The following ADAM22 variants were observed in gnomAD, a reference collection of about 807,000 sequenced individuals.
ADAM22 encodes the protein disintegrin and metalloproteinase domain-containing protein 22.
In ADAM22, 65 loss-of-function variants were observed where a neutral mutation model predicts 144.6. That is an observed-to-expected ratio of 0.45 (90% CI 0.37 to 0.55). ADAM22 has a LOEUF of 0.55. ADAM22 is among the 20% of genes least tolerant of loss of function. ADAM22 has a pLI of 0.00. For synonymous variants in ADAM22, 391 were observed against 412.6 expected (o/e 0.95, Z 0.63); for missense variants, 974 against 1,184.9 (o/e 0.82, Z 2.61).
At chr7:88,093,606 G>T (rs1195405259) in intron 4 of ADAM22, among the ~76,000 whole-genome samples, 1 of 152,084 alleles carries the variant, frequency 6.6e-6, no homozygotes, top group Admixed American at 6.6e-5. Context: ...GAGTGCAGTG[G>T]CGCAGTCTTG....
chr7:88,047,964 A>G (rs1477176456), intron 3 of ADAM22, among the ~76,000 whole-genome samples: 1 of 152,148 alleles, frequency 6.6e-6, no homozygotes, highest in Non-Finnish European at 1.5e-5. Flanking sequence ...TTAGCAATAA[A>G]AAAGAAGTGA....
chr7:88,095,245 A>T (rs573650008), intron 4 of ADAM22, among the ~76,000 whole-genome samples: 1 of 152,298 alleles, frequency 6.6e-6, no homozygotes, highest in African/African-American at 2.4e-5. Context: ...CTAGACTGTA[A>T]ATTCCATAAG....
At chr7:88,127,763 T>C (rs928253979) in intron 8 of ADAM22, among the ~76,000 whole-genome samples, 8 of 151,912 alleles carry the variant, frequency 5.3e-5, no homozygotes, top group Admixed American at 1.3e-4. Context: ...GAGCAAAACG[T>C]TTTCTGGAAA....
intron 3 of ADAM22, among the ~76,000 whole-genome samples, chr7:87,980,382 A>T (rs751411952): frequency 6.7e-6 from 1 of 148,920 alleles, no homozygotes; most frequent in East Asian, 2.0e-4. Flanking sequence ...AAAAATGTTT[A>T]TCTTATTTTT....
intron 2 of ADAM22, among the ~76,000 whole-genome samples, chr7:87,970,992 T>C (rs1392693376): frequency 6.6e-6 from 1 of 152,198 alleles, no homozygotes; most frequent in Non-Finnish European, 1.5e-5. Context: ...CTTGCCTCAA[T>C]CTCTAAAGCA....
intron 4 of ADAM22, among the ~76,000 whole-genome samples, chr7:88,084,509 C>A (rs1014735580): frequency 1.3e-5 from 2 of 152,176 alleles, no homozygotes. Flanking sequence ...TTTCCAGGAA[C>A]CACATTGAAA....
At chr7:88,103,273 T>C (rs771750101) in intron 4 of ADAM22, among the ~76,000 whole-genome samples, 2 of 152,152 alleles carry the variant, frequency 1.3e-5, no homozygotes, top group African/African-American at 4.8e-5. Flanking sequence ...TTTTCCTCAT[T>C]TTATGGCCCA....
chr7:87,944,029 C>G (rs1235063086), intron 2 of ADAM22, among the ~76,000 whole-genome samples: 2 of 152,136 alleles, frequency 1.3e-5, no homozygotes, highest in African/African-American at 2.4e-5. Flanking sequence ...TTAAAATTTT[C>G]TAGCTGAGGC....
chr7:88,143,180 A>G (rs2129521160), intron 15 of ADAM22, 55 bp downstream of exon 15: 1 of 1,232,926 alleles, frequency 8.1e-7, no homozygotes, highest in South Asian at 1.3e-5. Context: ...TTTCTAAAAT[A>G]TTACAAATAC....
intron 3 of ADAM22, among the ~76,000 whole-genome samples, chr7:88,043,683 C>A (rs1803758898): frequency 6.6e-6 from 1 of 150,786 alleles, no homozygotes; most frequent in African/African-American, 2.4e-5. Flanking sequence ...CATGGGCAAG[C>A]CTGGATAGTG....
At chr7:88,140,220 G>A (rs996497073) in intron 14 of ADAM22, among the ~76,000 whole-genome samples, 1 of 151,928 alleles carries the variant, frequency 6.6e-6, no homozygotes, top group African/African-American at 2.4e-5. Flanking sequence ...CTCAACATTG[G>A]GGTCATATTT....
chr7:88,043,155 G>A (rs1382441590), intron 3 of ADAM22, among the ~76,000 whole-genome samples: 1 of 151,800 alleles, frequency 6.6e-6, no homozygotes, highest in Non-Finnish European at 1.5e-5. Flanking sequence ...TGTTGGAAAA[G>A]TAATAATAAT....
At chr7:87,954,364 C>T (rs1186141145) in intron 2 of ADAM22, among the ~76,000 whole-genome samples, 2 of 151,922 alleles carry the variant, frequency 1.3e-5, no homozygotes, top group East Asian at 3.9e-4. Flanking sequence ...TCAGCATTTG[C>T]TTGTCTGTAA....
At chr7:88,122,890 T>C (rs967658890) in intron 7 of ADAM22, among the ~76,000 whole-genome samples, 2 of 152,254 alleles carry the variant, frequency 1.3e-5, no homozygotes, top group African/African-American at 4.8e-5. Flanking sequence ...ATTCTGCTCA[T>C]CCTTCCTTTT....
At chr7:88,082,782 A>T (rs1005445184) in intron 4 of ADAM22, among the ~76,000 whole-genome samples, 12 of 152,264 alleles carry the variant, frequency 7.9e-5, no homozygotes, top group African/African-American at 2.9e-4. Flanking sequence ...TCAAAACCAC[A>T]ATGAGATACC....
chr7:88,075,207 T>C (rs1813994112), intron 3 of ADAM22, among the ~76,000 whole-genome samples: 1 of 152,216 alleles, frequency 6.6e-6, no homozygotes, highest in Admixed American at 6.5e-5. Flanking sequence ...TGATGAAAAC[T>C]AACATTTTGT....
At position 88,085,543 on chromosome 7, in the gene ADAM22, G is replaced by A. The variant is rs115928894; in HGVS notation, c.390+9851G>A. Reference sequence around the variant, plus strand: ...AGCCTGGGTAACATAGCAAGAGACTGTCTTGAACAACAACAACAAAATCAT... The same window carrying A: ...AGCCTGGGTAACATAGCAAGAGACTATCTTGAACAACAACAACAAAATCAT... On this transcript the variant is annotated intron_variant, in intron 4 of 31. Transcript: ENST00000413139. 2.9e-3 allele frequency among the ~76,000 whole-genome samples: 446 copies of A among 152,252 alleles called. 3 individuals are homozygous for A. The highest frequency in any genetic ancestry group is 0.01 in the African/African-American group (422 of 41,542).
At chr7:87,948,599 A>C (rs531877309) in intron 2 of ADAM22, among the ~76,000 whole-genome samples, 39 of 152,276 alleles carry the variant, frequency 2.6e-4, no homozygotes, top group African/African-American at 8.7e-4. Flanking sequence ...TCATTTTTCA[A>C]AGTCTTTGAC....
chr7:88,117,414 A>G (rs1828034712), intron 7 of ADAM22, among the ~76,000 whole-genome samples: 2 of 152,248 alleles, frequency 1.3e-5, no homozygotes, highest in African/African-American at 4.8e-5. Flanking sequence ...TTTCAAAAGT[A>G]AGCTAATTTA....
Sources: gnomAD v4.1 joint callset for allele counts (sites outside exome capture counted in the v4.1 genomes callset) on GRCh38, gnomAD v4.1.1 for gene constraint, MANE v1.5 for transcripts, NCBI Gene and HGNC (gene_info 2026-07-23, HGNC 2026-07-21) for gene names.